The following FAM120A variants were observed in gnomAD, a reference collection of about 807,000 sequenced individuals.
FAM120A encodes the protein constitutive coactivator of PPAR-gamma-like protein 1.
FAM120A carries 15 observed loss-of-function variants against 109.7 expected under a neutral mutation model. The ratio of observed to expected loss-of-function variants is 0.14; its 90% confidence interval spans 0.09 to 0.21. FAM120A has a LOEUF of 0.21. Ranked by LOEUF, FAM120A falls within the 10% of genes least tolerant of loss-of-function variation. The pLI, the probability that FAM120A is intolerant of heterozygous loss-of-function variation, is 1.00. For missense variants in FAM120A, 899 were observed against 1,439.3 expected (o/e 0.62, Z 6.07); for synonymous variants, 493 against 572.8 (o/e 0.86, Z 1.99).
At chr9:93,474,911 C>T (rs2150750) in intron 2 of FAM120A, among the ~76,000 whole-genome samples, 3,994 of 152,206 alleles carry the variant, frequency 0.026, 170 homozygotes, top group African/African-American at 0.09. Flanking sequence ...CATTCTTCAC[C>T]GTGAAATTCT....
Position 93,478,651 on chromosome 9 carries a change from T to G in FAM120A, c.804+2313T>G, listed in dbSNP as rs533294655. ...GCCACCACGCCAGCTAATTTTTGTG[T>G]TTTTAGTAGAGGCAGGGTTTCACCA... On this transcript the variant is annotated intron_variant, in intron 3 of 17. Transcript: ENST00000277165. Among the ~76,000 whole-genome samples the G allele has an allele frequency of 3.8e-4, 58 of 152,210 alleles. No homozygotes were observed. The South Asian group carries it at 0.011, about 28-fold the overall frequency.
At chr9:93,477,450 CT>C (rs1180641411) in intron 3 of FAM120A, among the ~76,000 whole-genome samples, 8 of 152,180 alleles carry the variant, frequency 5.3e-5, no homozygotes, top group Admixed American at 5.2e-4. Context: ...TTTTTCTTCT[CT>C]TGTTAGAAAT....
At chr9:93,492,391 A>G (rs912467349) in intron 3 of FAM120A, among the ~76,000 whole-genome samples, 1 of 152,208 alleles carries the variant, frequency 6.6e-6, no homozygotes, top group African/African-American at 2.4e-5. Context: ...AAAATGTCTC[A>G]TGTAAAGTCC....
At chr9:93,539,517 C>T (rs1460449671) in intron 10 of FAM120A, among the ~76,000 whole-genome samples, 2 of 152,144 alleles carry the variant, frequency 1.3e-5, no homozygotes, top group Admixed American at 6.5e-5. Flanking sequence ...TTTAATAAGA[C>T]TCAGTAGGAA....
At position 93,564,327 on chromosome 9, in the gene FAM120A, C is replaced by T. The variant is rs1180075219; in HGVS notation, c.3144C>T (p.Ser1048=). ...CCTCTGCTATGTCTTCAGACGGGTC[C>T]CTGGCTGAAAACGGAGTGATGGCCG... ...SKSSAMSSDG[S]LAENGVMAEE... Residue 1048 remains serine (S), a synonymous_variant, in exon 18 of 18, where the codon TCC becomes TCT. Transcript: ENST00000277165. 1 of 1,614,208 alleles carries T rather than the reference C, an allele frequency of 6.2e-7. No homozygotes were observed. Among genetic ancestry groups the T allele is most frequent in the East Asian group, 2.2e-5 (1 of 44,888 alleles).
At chr9:93,476,171 A>G (rs1356082502) in intron 2 of FAM120A, 85 bp from the exon 3 acceptor site, 9 of 841,984 alleles carry the variant, frequency 1.1e-5, no homozygotes, top group African/African-American at 3.4e-5. Flanking sequence ...GTTTTCTACT[A>G]TAGGTGACAA....
chr9:93,539,036 C>T (rs568134433), intron 10 of FAM120A, among the ~76,000 whole-genome samples: 36 of 138,742 alleles, frequency 2.6e-4, no homozygotes, highest in Non-Finnish European at 5.0e-4. Context: ...CTCACTCTGT[C>T]GCCCAGGCTG....
intron 3 of FAM120A, among the ~76,000 whole-genome samples, chr9:93,493,536 G>C (rs1413431840): frequency 6.6e-6 from 1 of 152,242 alleles, no homozygotes; most frequent in Non-Finnish European, 1.5e-5. Flanking sequence ...ACTTGAGTGA[G>C]AGCAGTTTCA....
intron 1 of FAM120A, among the ~76,000 whole-genome samples, chr9:93,467,189 G>A (rs1858066642): frequency 1.4e-5 from 2 of 144,780 alleles, no homozygotes; most frequent in Admixed American, 7.4e-5. Flanking sequence ...CTAGGCAATC[G>A]ACTTTGAACT....
intron 13 of FAM120A, 139 bp downstream of exon 13, chr9:93,556,730 T>A: frequency 1.3e-6 from 1 of 758,320 alleles, no homozygotes; most frequent in Non-Finnish European, 2.1e-6. Flanking sequence ...TGAGTGTCAC[T>A]AAATATCACT....
chr9:93,458,162 G>A (rs1345236001), intron 1 of FAM120A, among the ~76,000 whole-genome samples: 2 of 151,118 alleles, frequency 1.3e-5, no homozygotes, highest in Non-Finnish European at 2.9e-5. Context: ...TCTCTCATCT[G>A]GCATCCTGAT....
intron 2 of FAM120A, among the ~76,000 whole-genome samples, chr9:93,475,051 T>C (rs572142244): frequency 6.6e-6 from 1 of 152,342 alleles, no homozygotes; most frequent in East Asian, 1.9e-4. Context: ...GGAATACAGG[T>C]GGAGTGTCCC....
chr9:93,522,799 C>G (rs997992697), intron 7 of FAM120A, among the ~76,000 whole-genome samples: 45 of 152,280 alleles, frequency 3.0e-4, no homozygotes, highest in African/African-American at 1.0e-3. Flanking sequence ...TTGCATAAGT[C>G]TTGTATCCCC....
At chr9:93,470,490 C>T (rs1411878438) in intron 1 of FAM120A, among the ~76,000 whole-genome samples, 1 of 152,042 alleles carries the variant, frequency 6.6e-6, no homozygotes, top group Admixed American at 6.6e-5. Flanking sequence ...TAGATTTTTT[C>T]ATCATTGAAA....
chr9:93,556,158 A>G (rs1587635273), intron 12 of FAM120A, among the ~76,000 whole-genome samples: 1 of 152,362 alleles, frequency 6.6e-6, no homozygotes, highest in South Asian at 2.1e-4. Context: ...ATACTTGAGT[A>G]TGTTTATAAA....
intron 17 of FAM120A, among the ~76,000 whole-genome samples, chr9:93,562,575 C>T (rs754185290): frequency 5.3e-5 from 8 of 152,114 alleles, no homozygotes; most frequent in Non-Finnish European, 8.8e-5. Flanking sequence ...TGGTGTGACA[C>T]GATGGGCTTG....
intron 3 of FAM120A, among the ~76,000 whole-genome samples, chr9:93,481,384 G>A (rs55702483): frequency 0.11 from 16,330 of 152,078 alleles, 1,820 homozygotes; most frequent in African/African-American, 0.28. Context: ...CATGTTTCTT[G>A]TTGCCTCTGG....
At chr9:93,485,974 CT>C (rs1322962438) in intron 3 of FAM120A, among the ~76,000 whole-genome samples, 1 of 151,800 alleles carries the variant, frequency 6.6e-6, no homozygotes, top group Non-Finnish European at 1.5e-5. Context: ...TACTTTATTC[CT>C]TTTTTAAAAA....
At chr9:93,519,056 G>A (rs1442566415) in intron 7 of FAM120A, among the ~76,000 whole-genome samples, 1 of 152,078 alleles carries the variant, frequency 6.6e-6, no homozygotes, top group African/African-American at 2.4e-5. Flanking sequence ...AGTGTGCTTA[G>A]CATGACCTTA....
Sources: gnomAD v4.1 joint callset for allele counts (sites outside exome capture counted in the v4.1 genomes callset) on GRCh38, gnomAD v4.1.1 for gene constraint, MANE v1.5 for transcripts, NCBI Gene and HGNC (gene_info 2026-07-23, HGNC 2026-07-21) for gene names.